THRB: variants seen among roughly 807,000 people sequenced by gnomAD.
THRB encodes the protein thyroid hormone receptor beta.
A neutral mutation model predicts 47.8 loss-of-function variants in THRB; 12 were observed. The ratio of observed to expected loss-of-function variants is 0.25; its 90% CI spans 0.16 to 0.41. THRB has a LOEUF of 0.41. Ranked by LOEUF, THRB falls within the 10% of genes least tolerant of loss-of-function variation. THRB has a pLI of 1.00. For synonymous variants in THRB, 218 were observed against 212.2 expected (o/e 1.03, Z -0.24); for missense variants, 348 against 589.2 (o/e 0.59, Z 4.24).
At chr3:24,457,978 T>C (rs917582799) in intron 1 of THRB, 7 of 152,160 alleles carry the variant, frequency 4.6e-5, no homozygotes, top group Non-Finnish European at 1.0e-4. Context: ...ATGAATCACC[T>C]GGGCATCTTG....
intron 3 of THRB, among the ~76,000 whole-genome samples, chr3:24,247,517 A>C (rs764024305): frequency 2.4e-4 from 37 of 152,322 alleles, no homozygotes; most frequent in Non-Finnish European, 4.4e-4. Flanking sequence ...AAAGTGGGAG[A>C]GACAGGGAGC....
At chr3:24,304,029 T>C (rs1337824477) in intron 2 of THRB, among the ~76,000 whole-genome samples, 1 of 141,246 alleles carries the variant, frequency 7.1e-6, no homozygotes, top group Non-Finnish European at 1.5e-5. Flanking sequence ...TATGTGTATA[T>C]GTGAAATTAG....
intron 3 of THRB, among the ~76,000 whole-genome samples, chr3:24,241,300 G>A (rs1199194522): frequency 2.0e-5 from 3 of 152,146 alleles, no homozygotes; most frequent in Non-Finnish European, 4.4e-5. Context: ...CCGTCTCCAG[G>A]CCTGGGCCCA....
At chr3:24,440,278 C>G (rs2071401298) in intron 1 of THRB, among the ~76,000 whole-genome samples, 1 of 152,154 alleles carries the variant, frequency 6.6e-6, no homozygotes, top group African/African-American at 2.4e-5. Flanking sequence ...TTCCAGGTTT[C>G]ATGTCAATCA....
rs566853344 is a variant in THRB at position 24,292,485 on chromosome 3, C to T, written c.-43+4741G>A. Among the ~76,000 whole-genome samples the T allele has an allele frequency of 2.6e-4, 39 of 152,040 alleles. 1 individual carries two copies. The highest frequency in any genetic ancestry group is 1.5e-3 in the East Asian group (8 of 5,172). On this transcript the variant is annotated intron_variant, in intron 3 of 10. Transcript: ENST00000646209. The stretch of plus-strand genomic sequence containing the variant: ...TCTGAACTGAGATGTAGGTGCTGAC[C>T]CCAAAGTGTGCTGTGCTGGTGCCGT...
At chr3:24,138,476 C>A (rs762962635) in intron 8 of THRB, among the ~76,000 whole-genome samples, 19 of 152,056 alleles carry the variant, frequency 1.2e-4, no homozygotes, top group Non-Finnish European at 2.4e-4. Flanking sequence ...CAGTGTTAAC[C>A]CACTTGTATC....
intron 4 of THRB, among the ~76,000 whole-genome samples, chr3:24,210,675 T>G (rs2045930161): frequency 6.6e-6 from 1 of 152,240 alleles, no homozygotes; most frequent in Non-Finnish European, 1.5e-5. Context: ...CTGGGCTACC[T>G]GGCACTGGAG....
At chr3:24,139,653 T>C (rs1183815874) in intron 8 of THRB, among the ~76,000 whole-genome samples, 1 of 152,198 alleles carries the variant, frequency 6.6e-6, no homozygotes, top group East Asian at 1.9e-4. Flanking sequence ...CCCAAAGTGC[T>C]GAAACTGCAG....
chr3:24,480,810 T>C (rs111442542), intron 1 of THRB, among the ~76,000 whole-genome samples: 3 of 152,228 alleles, frequency 2.0e-5, no homozygotes, highest in Non-Finnish European at 4.4e-5. Flanking sequence ...AATGGAATTC[T>C]GAGATGCTAA....
chr3:24,369,622 ACTCCT>A (rs1356896907), intron 1 of THRB, among the ~76,000 whole-genome samples: 4 of 152,004 alleles, frequency 2.6e-5, no homozygotes, highest in Non-Finnish European at 5.9e-5. Flanking sequence ...ATTTTTTAAC[ACTCCT>A]CTCCTCTCTT....
intron 2 of THRB, among the ~76,000 whole-genome samples, chr3:24,321,039 G>A (rs1357517845): frequency 6.6e-6 from 1 of 152,160 alleles, no homozygotes; most frequent in Non-Finnish European, 1.5e-5. Flanking sequence ...CAGAGTTTCA[G>A]GTGTATCTTC....
At chr3:24,263,800 A>G (rs2052345435) in intron 3 of THRB, among the ~76,000 whole-genome samples, 1 of 152,160 alleles carries the variant, frequency 6.6e-6, no homozygotes, top group Admixed American at 6.6e-5. Flanking sequence ...GACCTCTGGA[A>G]GCTTTAAAGA....
At chr3:24,364,936 T>C (rs1224412763) in intron 1 of THRB, among the ~76,000 whole-genome samples, 1 of 152,174 alleles carries the variant, frequency 6.6e-6, no homozygotes, top group Non-Finnish European at 1.5e-5. Flanking sequence ...TACATATCTA[T>C]GTGTAAATAC....
intron 3 of THRB, among the ~76,000 whole-genome samples, chr3:24,258,653 T>G: frequency 6.6e-6 from 1 of 152,196 alleles, no homozygotes. Context: ...GCAGGCTCAG[T>G]GTGGATCTGT....
chr3:24,162,838 T>C (rs1161263630), intron 5 of THRB, among the ~76,000 whole-genome samples: 1 of 152,010 alleles, frequency 6.6e-6, no homozygotes, highest in Non-Finnish European at 1.5e-5. Context: ...TATAAGATTG[T>C]AATTTTTTTT....
chr3:24,388,490 G>T (rs1172485753), intron 1 of THRB, among the ~76,000 whole-genome samples: 1 of 152,116 alleles, frequency 6.6e-6, no homozygotes, highest in African/African-American at 2.4e-5. Context: ...TAACCCAAAG[G>T]TTGGTCCCTA....
chr3:24,240,269 A>C (rs1351304622), intron 3 of THRB, among the ~76,000 whole-genome samples: 1 of 152,194 alleles, frequency 6.6e-6, no homozygotes, highest in African/African-American at 2.4e-5. Context: ...TATGAGAAAG[A>C]GACACAGAGT....
At chr3:24,174,930 A>G (rs2040942902) in intron 5 of THRB, among the ~76,000 whole-genome samples, 1 of 152,218 alleles carries the variant, frequency 6.6e-6, no homozygotes, top group African/African-American at 2.4e-5. Context: ...TTTATGTCCA[A>G]AATGGTATGT....
chr3:24,466,209 A>C (rs910938888), intron 1 of THRB, among the ~76,000 whole-genome samples: 1 of 151,548 alleles, frequency 6.6e-6, no homozygotes, highest in African/African-American at 2.4e-5. Flanking sequence ...TCTTATTAAG[A>C]TGTACTGCTG....
Sources: gnomAD v4.1 joint callset for allele counts (sites outside exome capture counted in the v4.1 genomes callset) on GRCh38, gnomAD v4.1.1 for gene constraint, MANE v1.5 for transcripts, NCBI Gene and HGNC (gene_info 2026-07-23, HGNC 2026-07-21) for gene names.